DDX49: variants seen among roughly 807,000 people sequenced by gnomAD.
DDX49 encodes the protein DEAD-box helicase 49.
Under a neutral mutation model 56.3 loss-of-function variants are expected in DDX49, and 50 were observed. The ratio of observed to expected loss-of-function variants is 0.89; its 90% CI spans 0.71 to 1.12. The LOEUF (loss-of-function observed/expected upper bound fraction) is 1.12, where lower values mean the gene tolerates loss of function less well. Among genes scored for constraint, DDX49 ranks in the 50% most tolerant of loss-of-function variants. DDX49 has a pLI of 0.00. For missense variants in DDX49, 614 were observed against 650.5 expected, an observed-to-expected ratio of 0.94 and a Z score of 0.61; for synonymous variants, 269 against 270.6, an observed-to-expected ratio of 0.99 and a Z score of 0.06.
At chr19:18,925,486 C>T (rs1241945556) in intron 9 of DDX49, among the ~76,000 whole-genome samples, 4 of 152,206 alleles carry the variant, frequency 2.6e-5, no homozygotes, top group South Asian at 2.1e-4. Context: ...ACCCGGGAAG[C>T]GGAGGTTGCA....
chr19:18,924,609 C>T lies in DDX49; in HGVS notation c.853-14C>T. The T allele has an allele frequency of 3.7e-6, 6 of 1,614,140 alleles. No individual in the cohort carries two copies. The Admixed American group carries it at 1.0e-4, about 27-fold the overall frequency. On this transcript the variant is annotated splice_polypyrimidine_tract_variant and intron_variant, in intron 7 of 12. Transcript: ENST00000247003. Reference sequence around the variant, plus strand: ...CCTTCATGCATTCCCAATTTTCTTCCCAACCCTGTGCAGAAAGAACGCTTT... The same window carrying T: ...CCTTCATGCATTCCCAATTTTCTTCTCAACCCTGTGCAGAAAGAACGCTTT...
chr19:18,926,645 C>T (rs2056963691), intron 10 of DDX49, among the ~76,000 whole-genome samples: 1 of 152,126 alleles, frequency 6.6e-6, no homozygotes, highest in South Asian at 2.1e-4. Context: ...ATGGAAGGTC[C>T]CTGAGATGTC....
chr19:18,919,950 G>A, intron 1 of DDX49, 94 bp downstream of exon 1: 1 of 981,634 alleles, frequency 1.0e-6, no homozygotes, highest in Non-Finnish European at 1.5e-6. Context: ...GTCCCACGAG[G>A]CGAGGGGCAA....
chr19:18,919,772 T>A lies in DDX49; in HGVS notation c.31T>A (p.Ser11Thr), dbSNP rs1361808007. 6.2e-7 allele frequency: 1 copy of A among 1,611,916 alleles called. No homozygotes were observed. The highest frequency in any genetic ancestry group is 8.5e-7 in the Non-Finnish European group (1 of 1,178,668). The change falls in exon 1 of 13, where the codon TCG becomes ACG. Residue 11 changes from serine to threonine, a missense_variant. Transcript: ENST00000247003. MAGFAELGLS[S>T]WLVEQCRQLG... ...AGGCTTCGCGGAGCTCGGGCTGTCATCGTGGCTCGTGGAACAATGTCGGCA... is the reference window on the plus strand; with the variant it reads ...AGGCTTCGCGGAGCTCGGGCTGTCAACGTGGCTCGTGGAACAATGTCGGCA...
rs771078768 is a variant in DDX49, at chr19:18,922,413, C to G, written c.535C>G (p.Arg179Gly). The change falls in exon 5 of 13, where the codon CGC becomes GGC. Residue 179 changes from arginine to glycine, a missense_variant. Arg to Gly is a moderately radical substitution (Grantham distance 125, BLOSUM62 -2). Coordinates refer to ENST00000247003, the MANE Select transcript of DDX49 (RefSeq NM_019070.5). The stretch of plus-strand genomic sequence containing the variant: ...GGCCATCCTGGCGGCTGTGCCGGCC[C>G]GCAGGCAGACACTGCTGTTCAGCGC... Reference protein sequence around the residue: ...LEAILAAVPARRQTLLFSATL... With the variant: ...LEAILAAVPAGRQTLLFSATL... The G allele has an allele frequency of 2.5e-6, 4 of 1,609,506 alleles. No homozygotes were observed. Among genetic ancestry groups the G allele is most frequent in the Non-Finnish European group, 2.5e-6 (3 of 1,179,264 alleles).
Position 18,922,456 on chromosome 19 carries a change from T to C in DDX49, c.578T>C (p.Leu193Pro). 6.2e-7 allele frequency: 1 copy of C among 1,603,872 alleles called. No homozygotes were observed. Among genetic ancestry groups the C allele is most frequent in the Non-Finnish European group, 8.5e-7 (1 of 1,177,862 alleles). Residue 193 changes from leucine to proline, a missense_variant, in exon 5 of 13, where the codon CTC (leucine) becomes CCC (proline). Transcript: ENST00000247003. ...LLFSATLTDT[L>P]RELQGLATNQ... ...TTCAGCGCCACGCTGACCGACACAC[T>C]CCGGGAGCTGCAGGGTCTGGCCACC...
chr19:18,921,641 C>A, intron 2 of DDX49, 22 bp from the exon 3 acceptor site: 1 of 1,612,482 alleles, frequency 6.2e-7, no homozygotes, highest in Non-Finnish European at 8.5e-7. Context: ...CCTGACCCAG[C>A]CTGGCCCCTT....
chr19:18,920,579 G>T lies in DDX49; in HGVS notation c.116-1G>T, dbSNP rs769933093. Reference sequence around the variant, plus strand: ...TTGATGCTGCTTTGTCCCCAACCCAGGTCGAGACTGCTTGGGCTGTGCTAA... The same window carrying T: ...TTGATGCTGCTTTGTCCCCAACCCATGTCGAGACTGCTTGGGCTGTGCTAA... On this transcript the variant is annotated splice_acceptor_variant, in intron 1 of 12. Transcript: ENST00000247003. LOFTEE classifies it high-confidence loss of function. 32 of 1,595,524 alleles carry T rather than the reference G, an allele frequency of 2.0e-5. No individual in the cohort carries two copies. The highest frequency in any genetic ancestry group is 2.7e-5 in the Non-Finnish European group (32 of 1,164,986).
At chr19:18,922,777 C>T (rs1334244273) in intron 6 of DDX49, 33 bp downstream of exon 6, 1 of 1,600,722 alleles carries the variant, frequency 6.2e-7, no homozygotes, top group Non-Finnish European at 8.5e-7. Flanking sequence ...CTCCCACCGC[C>T]CTTCAAAGGA....
At chr19:18,925,020 C>CCT (rs1361870054) in intron 9 of DDX49, 41 bp downstream of exon 9, 1 of 1,593,842 alleles carries the variant, frequency 6.3e-7, no homozygotes, top group East Asian at 2.3e-5. Flanking sequence ...GGCCTCTGTC[C>CCT]CTCCAGCCTG....
intron 4 of DDX49, 80 bp from the exon 5 acceptor site, chr19:18,922,246 T>A: frequency 6.6e-7 from 1 of 1,523,214 alleles, no homozygotes; most frequent in Non-Finnish European, 8.9e-7. Flanking sequence ...TCCATGCCTC[T>A]CAAAGAGGCC....
At position 18,928,337 on chromosome 19, in the gene DDX49, C is replaced by T. The variant is rs1286882697; in HGVS notation, c.*21C>T. 6 of 1,489,642 alleles carry T rather than the reference C, an allele frequency of 4.0e-6. No homozygotes were observed. Among genetic ancestry groups the T allele is most frequent in the Non-Finnish European group, 4.5e-6 (5 of 1,121,696 alleles). 92.3% of individuals were successfully genotyped at this position (1,489,642 alleles called of 1,614,324 possible). A position where few individuals can be genotyped will look rare whatever the true frequency, so the allele number is the denominator to read the frequency against. On this transcript the variant is annotated 3_prime_UTR_variant, in exon 13 of 13. Coordinates refer to ENST00000247003, the MANE Select transcript of DDX49 (RefSeq NM_019070.5). Reference sequence around the variant, plus strand: ...TCTGAGCCCCACACGGCCATCTGCCCAGTCCTTGACTCGTCCATGGAGCTG... The same window carrying T: ...TCTGAGCCCCACACGGCCATCTGCCTAGTCCTTGACTCGTCCATGGAGCTG...
At chr19:18,921,113 C>A (rs1473291055) in intron 2 of DDX49, among the ~76,000 whole-genome samples, 1 of 151,466 alleles carries the variant, frequency 6.6e-6, no homozygotes, top group Non-Finnish European at 1.5e-5. Flanking sequence ...TGCACTCCAG[C>A]CTGGGCAACA....
chr19:18,922,700 T>C lies in DDX49; in HGVS notation c.732T>C (p.Asp244=). Residue 244 remains aspartate, a synonymous_variant, in exon 6 of 13, where the codon GAT becomes GAC. Coordinates refer to ENST00000247003, the MANE Select transcript of DDX49 (RefSeq NM_019070.5). ...YLVHLIQRFQ[D]EHEDWSIIIF... is the part of the protein sequence containing the mutation. ...TCCACCTGATCCAGCGCTTCCAGGATGAGCACGAGGACTGGTCCATTATCA... is the reference window on the plus strand; with the variant it reads ...TCCACCTGATCCAGCGCTTCCAGGACGAGCACGAGGACTGGTCCATTATCA... 6.2e-7 allele frequency: 1 copy of C among 1,614,000 alleles called. No homozygotes were observed. The highest frequency in any genetic ancestry group is 1.7e-5 in the Admixed American group (1 of 60,030).
chr19:18,922,531 A>G lies in DDX49; in HGVS notation c.635+18A>G, dbSNP rs539666528. 2.5e-6 allele frequency: 4 copies of G among 1,598,442 alleles called. No individual in the cohort carries two copies. In the South Asian group the frequency reaches 4.4e-5, roughly 18 times the overall value. On this transcript the variant is annotated intron_variant, in intron 5 of 12. Coordinates refer to ENST00000247003, the MANE Select transcript of DDX49 (RefSeq NM_019070.5). ...CAGGCCCCGTGAGTCCACAGCCCAG[A>G]CAGCGTGGGGAGGGCAGCCCCATCC...
Position 18,924,649 on chromosome 19 carries a change from G to C in DDX49, c.879G>C (p.Lys293Asn), listed in dbSNP as rs369023005. ...KQKERFAALAKFKSSIYRILI... is the reference protein window; with the variant it reads ...KQKERFAALANFKSSIYRILI... ...AAGAACGCTTTGCCGCCCTAGCCAA[G>C]TTCAAGTCCAGCATCTACCGGATCC... is the stretch of plus-strand genomic sequence containing the variant. The change falls in exon 8 of 13, where the codon AAG (lysine) becomes AAC (asparagine). Residue 293 changes from lysine to asparagine, a missense_variant. Physicochemically the swap from Lys to Asn is moderately conservative, Grantham distance 94. Transcript: ENST00000247003. 1.2e-6 allele frequency: 2 copies of C among 1,614,234 alleles called. No individual in the cohort carries two copies.
intron 9 of DDX49, 180 bp downstream of exon 9, chr19:18,925,159 T>C: frequency 1.1e-6 from 1 of 938,954 alleles, no homozygotes; most frequent in Non-Finnish European, 1.5e-6. Context: ...CTCGGGAGGC[T>C]GAGGCAAGAA....
chr19:18,922,157 G>A (rs568896651), intron 4 of DDX49, 169 bp from the exon 5 acceptor site: 20 of 1,148,468 alleles, frequency 1.7e-5, no homozygotes, highest in Middle Eastern at 5.9e-4. Flanking sequence ...AATGTTATTC[G>A]GGGGTAGGGC....
Position 18,928,306 on chromosome 19 carries a change from G to A in DDX49, c.1442G>A (p.Gly481Asp), listed in dbSNP as rs1488880166. The A allele has an allele frequency of 1.9e-6, 3 of 1,556,370 alleles. No homozygotes were observed. The highest frequency in any genetic ancestry group is 1.7e-6 in the Non-Finnish European group (2 of 1,151,884). The change falls in exon 13 of 13, where the codon GGC (glycine) becomes GAC (aspartate). Residue 481 changes from glycine to aspartate, a missense_variant. Transcript: ENST00000247003. Reference sequence around the variant, plus strand: ...CACTCAGGCCCAGTCCCCTCCCAGGGCCTGGTCTGAGCCCCACACGGCCAT... The same window carrying A: ...CACTCAGGCCCAGTCCCCTCCCAGGACCTGGTCTGAGCCCCACACGGCCAT... ...GSHSGPVPSQ[G>D]LV is the part of the protein sequence containing the mutation.
Sources: gnomAD v4.1 joint callset for allele counts (sites outside exome capture counted in the v4.1 genomes callset) on GRCh38, gnomAD v4.1.1 for gene constraint, MANE v1.5 for transcripts, NCBI Gene and HGNC (gene_info 2026-07-23, HGNC 2026-07-21) for gene names.